NCKAP1: variants seen among roughly 807,000 people sequenced by gnomAD.
NCKAP1 encodes the protein nck-associated protein 1.
In NCKAP1, 21 loss-of-function variants were observed where a neutral mutation model predicts 151.2. That is an observed-to-expected ratio of 0.14 (90% confidence interval 0.10 to 0.20). The LOEUF is 0.20. NCKAP1 is among the 10% of genes least tolerant of loss of function. NCKAP1 has a pLI of 1.00. For synonymous variants in NCKAP1, 484 were observed against 451.8 expected (o/e 1.07, Z -0.90); for missense variants, 933 against 1,352.1 (o/e 0.69, Z 4.86).
At chr2:182,936,420 G>A (rs1696876947) in intron 24 of NCKAP1, among the ~76,000 whole-genome samples, 1 of 152,038 alleles carries the variant, frequency 6.6e-6, no homozygotes, top group African/African-American at 2.4e-5. Flanking sequence ...CCTAGACCTC[G>A]AATAGCAGAC....
At chr2:182,980,799 CCATGTTCAGACTCT>C (rs1697921394) in intron 13 of NCKAP1, among the ~76,000 whole-genome samples, 1 of 152,046 alleles carries the variant, frequency 6.6e-6, no homozygotes, top group African/African-American at 2.4e-5. Context: ...TAGCTACTGC[CCATGTTCAGACTCT>C]CATCACCTCT....
intron 17 of NCKAP1, among the ~76,000 whole-genome samples, chr2:182,964,103 T>C (rs1022453222): frequency 3.3e-5 from 5 of 152,136 alleles, no homozygotes; most frequent in African/African-American, 1.2e-4. Context: ...TATTTCTTCT[T>C]TAAAGATTAG....
intron 27 of NCKAP1, among the ~76,000 whole-genome samples, chr2:182,930,310 T>G (rs1696736391): frequency 6.6e-6 from 1 of 152,028 alleles, no homozygotes; most frequent in African/African-American, 2.4e-5. Flanking sequence ...CCTTTCTATC[T>G]TCCTGGAAGC....
In NCKAP1 at chr2:182,919,089, T is replaced by C. The variant is rs1031486226; in HGVS notation, c.*6613A>G. On this transcript the variant is annotated 3_prime_UTR_variant, in exon 31 of 31. Coordinates refer to ENST00000361354, the MANE Select transcript of NCKAP1 (RefSeq NM_013436.5). ...GACTAAAAGAGCAATATTTAGAGGT[T>C]TGAATTAGAGAAAACAGAGTATCTG... 9 of 152,330 alleles carry C rather than the reference T, an allele frequency of 5.9e-5. No individual in the cohort carries two copies. Among genetic ancestry groups the C allele is most frequent in the South Asian group, 2.1e-4 (1 of 4,828 alleles). The allele number at this position is 152,330 out of a possible 1,614,324, so 9.4% of individuals were successfully genotyped here.
intron 2 of NCKAP1, among the ~76,000 whole-genome samples, chr2:183,016,507 T>C (rs1227584917): frequency 1.3e-5 from 2 of 152,242 alleles, no homozygotes; most frequent in Admixed American, 1.3e-4. Flanking sequence ...CCTTAAATCC[T>C]GGCAATGTTT....
chr2:182,932,912 T>A (rs1013005178), intron 26 of NCKAP1, among the ~76,000 whole-genome samples: 9 of 152,186 alleles, frequency 5.9e-5, no homozygotes, highest in Non-Finnish European at 1.0e-4. Context: ...AGACAATCAC[T>A]GATCTCAAAT....
At chr2:182,961,878 T>C (rs1697461314) in intron 18 of NCKAP1, among the ~76,000 whole-genome samples, 1 of 152,224 alleles carries the variant, frequency 6.6e-6, no homozygotes, top group Admixed American at 6.5e-5. Flanking sequence ...ATTCCAGTTC[T>C]TTTGCAACTT....
intron 2 of NCKAP1, among the ~76,000 whole-genome samples, chr2:183,012,542 T>C (rs1698607577): frequency 1.3e-5 from 2 of 151,786 alleles, no homozygotes; most frequent in Non-Finnish European, 1.5e-5. Flanking sequence ...ATACTCTGCC[T>C]CCACAAATTC....
intron 25 of NCKAP1, 22 bp downstream of exon 25, chr2:182,935,271 T>C: frequency 6.8e-7 from 1 of 1,479,116 alleles, no homozygotes; most frequent in Non-Finnish European, 9.2e-7. Flanking sequence ...ATACCGAGTA[T>C]ATACTTGTAA....
At position 182,914,776 on chromosome 2, in the gene NCKAP1, C is replaced by G. The variant is rs571378639; in HGVS notation, c.*10926G>C. ...AGGTGGGAAAGGCTGATGGCTAGAC[C>G]GACACTGCAGAGTTCCATTGGTAGA... On this transcript the variant is annotated 3_prime_UTR_variant, in exon 31 of 31. Transcript: ENST00000361354. The G allele has an allele frequency of 6.6e-6, 1 of 152,108 alleles. No individual in the cohort carries two copies. Among genetic ancestry groups the G allele is most frequent in the East Asian group, 1.9e-4 (1 of 5,190 alleles). 9.4% of individuals were successfully genotyped at this position (152,108 alleles called of 1,614,324 possible).
intron 15 of NCKAP1, among the ~76,000 whole-genome samples, chr2:182,976,316 T>A (rs1410408825): frequency 6.6e-6 from 1 of 152,196 alleles, no homozygotes; most frequent in East Asian, 1.9e-4. Context: ...CTAATAATAT[T>A]TATTTGTTTT....
At chr2:182,985,941 A>C (rs1223530469) in intron 10 of NCKAP1, among the ~76,000 whole-genome samples, 1 of 152,148 alleles carries the variant, frequency 6.6e-6, no homozygotes, top group Non-Finnish European at 1.5e-5. Context: ...CCTTTGTGTG[A>C]TACTTCCTTA....
intron 9 of NCKAP1, among the ~76,000 whole-genome samples, chr2:182,987,577 A>G (rs1301154664): frequency 1.3e-5 from 2 of 152,198 alleles, no homozygotes; most frequent in Non-Finnish European, 2.9e-5. Flanking sequence ...TGCACCATAC[A>G]TAAGTTCACT....
chr2:182,955,147 C>A (rs1051137466), intron 20 of NCKAP1, among the ~76,000 whole-genome samples: 13 of 152,200 alleles, frequency 8.5e-5, no homozygotes, highest in African/African-American at 3.1e-4. Flanking sequence ...GATAATTTAA[C>A]ACTCAACTTA....
chr2:182,957,304 A>C (rs146078969), intron 19 of NCKAP1, 153 bp downstream of exon 19: 1 of 797,978 alleles, frequency 1.3e-6, no homozygotes, highest in African/African-American at 1.8e-5. Flanking sequence ...ATAAGCAACT[A>C]ACAGGTTAAT....
rs1696469783 is a variant in NCKAP1 at position 182,916,408 on chromosome 2, G to A, written c.*9294C>T. 6.6e-6 allele frequency: 1 copy of A among 152,162 alleles called. No individual in the cohort carries two copies. The highest frequency in any genetic ancestry group is 1.5e-5 in the Non-Finnish European group (1 of 68,050). 9.4% of individuals were successfully genotyped at this position (152,162 alleles called of 1,614,324 possible). On this transcript the variant is annotated 3_prime_UTR_variant, in exon 31 of 31. Transcript: ENST00000361354. ...AGATTCTGAGAGTTACACAGGGTAG[G>A]AAATTTGACTAAACAGACAGAAAGA... is the stretch of plus-strand genomic sequence containing the variant.
At chr2:182,962,746 A>G (rs944293207) in intron 17 of NCKAP1, among the ~76,000 whole-genome samples, 3 of 151,580 alleles carry the variant, frequency 2.0e-5, no homozygotes. Context: ...TTTAAATAAA[A>G]TGGTGAGAAA....
chr2:182,952,283 T>G (rs1475085507), intron 23 of NCKAP1, 122 bp downstream of exon 23: 2 of 585,050 alleles, frequency 3.4e-6, no homozygotes, highest in Non-Finnish European at 5.6e-6. Flanking sequence ...TAATTTTCAT[T>G]TTCATATTAG....
At position 182,912,008 on chromosome 2, in the gene NCKAP1, T is replaced by C. The variant is rs548407452; in HGVS notation, c.*13694A>G. 6.6e-6 allele frequency: 1 copy of C among 152,294 alleles called. No individual in the cohort carries two copies. The highest frequency in any genetic ancestry group is 1.9e-4 in the East Asian group (1 of 5,192). 9.4% of individuals were successfully genotyped at this position (152,294 alleles called of 1,614,324 possible). On this transcript the variant is annotated 3_prime_UTR_variant, in exon 31 of 31. Transcript: ENST00000361354. ...TAGGAAATGCAAACAAATCGGCAAA[T>C]GGACTTAGCCCTTGAAAGCTTATGT...
Sources: gnomAD v4.1 joint callset for allele counts (sites outside exome capture counted in the v4.1 genomes callset) on GRCh38, gnomAD v4.1.1 for gene constraint, MANE v1.5 for transcripts, NCBI Gene and HGNC (gene_info 2026-07-23, HGNC 2026-07-21) for gene names.